STK32B: variants seen among roughly 807,000 people sequenced by gnomAD.
The protein encoded by STK32B is serine/threonine kinase 32B.
STK32B carries 43 observed loss-of-function variants against 52.6 expected under a neutral mutation model. That is an observed-to-expected ratio of 0.82 (90% CI 0.64 to 1.05). STK32B has a LOEUF of 1.05. Ranked by LOEUF, STK32B falls within the 50% of genes least tolerant of loss-of-function variation. The pLI, the probability that STK32B is intolerant of heterozygous loss-of-function variation, is 0.00. For synonymous variants in STK32B, 238 were observed against 204.3 expected (o/e 1.17, Z -1.41); for missense variants, 621 against 534.6 (o/e 1.16, Z -1.59).
intron 6 of STK32B, among the ~76,000 whole-genome samples, chr4:5,419,894 G>C (rs1712478748): frequency 6.6e-6 from 1 of 152,158 alleles, no homozygotes; most frequent in African/African-American, 2.4e-5. Flanking sequence ...AATGAAGTTT[G>C]ACTATAAATA....
chr4:5,434,346 A>G (rs952481284), intron 6 of STK32B, among the ~76,000 whole-genome samples: 7 of 152,140 alleles, frequency 4.6e-5, no homozygotes, highest in Non-Finnish European at 1.5e-5. Context: ...GACTAATTCA[A>G]TTGCAACCAA....
chr4:5,207,976 A>G (rs1391375283), intron 3 of STK32B, among the ~76,000 whole-genome samples: 1 of 152,128 alleles, frequency 6.6e-6, no homozygotes, highest in Non-Finnish European at 1.5e-5. Flanking sequence ...ATGTTGTGTT[A>G]CAGGCATGGC....
chr4:5,378,891 G>A lies in STK32B; in HGVS notation c.435-19316G>A, dbSNP rs571074090. Among the ~76,000 whole-genome samples the A allele has an allele frequency of 5.9e-5, 9 of 152,120 alleles. No individual in the cohort carries two copies. The highest frequency in any genetic ancestry group is 1.2e-4 in the Non-Finnish European group (8 of 68,030). On this transcript the variant is annotated intron_variant, in intron 4 of 11. Coordinates refer to ENST00000282908, the MANE Select transcript of STK32B (RefSeq NM_018401.3). This position sits in a 1 kb window ranked among gnomAD's most constrained non-coding sequence, Gnocchi z 4.4. ...TGCTGCCATCCTTGCAGCATTAAAG[G>A]CGTCATCTGCAAAAGGGGTGACAAT...
At chr4:5,187,627 G>T (rs13104322) in intron 3 of STK32B, among the ~76,000 whole-genome samples, 19 of 141,768 alleles carry the variant, frequency 1.3e-4, no homozygotes, top group African/African-American at 4.7e-4. Context: ...GCGGGGGAGG[G>T]GGGGGACAAG....
intron 4 of STK32B, among the ~76,000 whole-genome samples, chr4:5,337,738 T>C (rs546016195): frequency 6.6e-6 from 1 of 152,224 alleles, no homozygotes; most frequent in South Asian, 2.1e-4. Context: ...AAAAATAACA[T>C]TATTCATTTT....
chr4:5,072,026 T>A (rs966693918), intron 1 of STK32B, among the ~76,000 whole-genome samples: 1 of 152,174 alleles, frequency 6.6e-6, no homozygotes, highest in African/African-American at 2.4e-5. Context: ...CCCCAACTCC[T>A]CATCTTTCTG....
In STK32B at chr4:5,316,817, T is replaced by TAA. The variant is rs1730880427; in HGVS notation, c.261-14403_261-14402insAA. On this transcript the variant is annotated intron_variant, in intron 3 of 11. Transcript: ENST00000282908. ...TATTATATATTATATATATTATATA[T>TAA]TATATCATATATATTATATATTATA... Among the ~76,000 whole-genome samples the TAA allele has an allele frequency of 1.5e-3, 7 of 4,706 alleles. 1 individual carries two copies. The East Asian group carries it at 0.08, about 54-fold the overall frequency. The allele number at this position is 4,706 out of a possible 152,430, so 3.1% of individuals were successfully genotyped here.
At chr4:5,231,300 T>C (rs1724250446) in intron 3 of STK32B, among the ~76,000 whole-genome samples, 1 of 152,172 alleles carries the variant, frequency 6.6e-6, no homozygotes, top group Non-Finnish European at 1.5e-5. Flanking sequence ...GCCAAATGAA[T>C]GGATGGACTT....
chr4:5,424,012 C>T (rs1356501056), intron 6 of STK32B, among the ~76,000 whole-genome samples: 3 of 152,114 alleles, frequency 2.0e-5, no homozygotes, highest in Non-Finnish European at 4.4e-5. Context: ...CCACTCCCCC[C>T]GTAGGCTCAG....
the STK32B span, among the ~76,000 whole-genome samples, chr4:5,045,973 A>C: frequency 6.6e-6 from 1 of 152,206 alleles, no homozygotes; most frequent in South Asian, 2.1e-4. Context: ...TGTTTTCATC[A>C]AACTACCATT....
intron 1 of STK32B, among the ~76,000 whole-genome samples, chr4:5,115,346 AAGTC>A (rs1714655903): frequency 6.6e-6 from 1 of 152,198 alleles, no homozygotes; most frequent in South Asian, 2.1e-4. Context: ...CCTGAAAAAA[AAGTC>A]AGAGTTTGTG....
chr4:5,422,519 GA>G (rs1037564232), intron 6 of STK32B, among the ~76,000 whole-genome samples: 1 of 151,280 alleles, frequency 6.6e-6, no homozygotes, highest in Admixed American at 6.6e-5. Context: ...TGCAATTGGA[GA>G]AAAAAAAAGA....
intron 6 of STK32B, among the ~76,000 whole-genome samples, chr4:5,423,257 G>C (rs1276115098): frequency 1.3e-5 from 2 of 152,214 alleles, no homozygotes; most frequent in Middle Eastern, 3.4e-3. Flanking sequence ...TGAGGCAGCT[G>C]GGTGTCTTCC....
intron 2 of STK32B, among the ~76,000 whole-genome samples, chr4:5,142,997 A>T (rs1375614610): frequency 6.6e-6 from 1 of 152,082 alleles, no homozygotes; most frequent in Admixed American, 6.6e-5. Flanking sequence ...TCTTTTCTGG[A>T]TTTCCAGCCT....
intron 3 of STK32B, among the ~76,000 whole-genome samples, chr4:5,183,579 G>T (rs1260796174): frequency 6.6e-6 from 1 of 152,104 alleles, no homozygotes. Context: ...ATACTTGTAC[G>T]AAGTGAGATG....
At chr4:5,158,845 C>T (rs1299653873) in intron 2 of STK32B, among the ~76,000 whole-genome samples, 1 of 152,172 alleles carries the variant, frequency 6.6e-6, no homozygotes, top group South Asian at 2.1e-4. Flanking sequence ...CCTCATTTTA[C>T]CTTAATTACC....
chr4:5,269,180 G>A (rs1727251959), intron 3 of STK32B, among the ~76,000 whole-genome samples: 1 of 152,168 alleles, frequency 6.6e-6, no homozygotes, highest in African/African-American at 2.4e-5. Context: ...GGTGAGTGCT[G>A]ATCAGTGGAT....
intron 3 of STK32B, among the ~76,000 whole-genome samples, chr4:5,323,765 G>T (rs76800155): frequency 0.025 from 3,832 of 152,200 alleles, 156 homozygotes; most frequent in African/African-American, 0.087. Flanking sequence ...TAAATGCAGG[G>T]GATGGTGCTG....
chr4:5,293,352 C>G (rs9993456), intron 3 of STK32B, among the ~76,000 whole-genome samples: 49,587 of 151,910 alleles, frequency 0.33, 13,154 homozygotes, highest in African/African-American at 0.74. Flanking sequence ...CTAGATCCTT[C>G]AGGAATCTCC....
Sources: gnomAD v4.1 joint callset for allele counts (sites outside exome capture counted in the v4.1 genomes callset) on GRCh38, gnomAD v4.1.1 for gene constraint, Gnocchi (gnomAD v3.1) non-coding constraint, MANE v1.5 for transcripts, NCBI Gene and HGNC (gene_info 2026-07-23, HGNC 2026-07-21) for gene names.